The following MED14 variants were observed in gnomAD, a reference collection of about 807,000 sequenced individuals.
MED14 encodes mediator of RNA polymerase II transcription subunit 14.
A neutral mutation model predicts 109.0 loss-of-function variants in MED14; 8 were observed. The observed-to-expected ratio is 0.07, with a 90% CI of 0.04 to 0.13. MED14 has a LOEUF of 0.13. Among genes scored for constraint, MED14 ranks in the 10% least tolerant of loss-of-function variants. The pLI, the probability that MED14 is intolerant of heterozygous loss-of-function variation, is 1.00. For synonymous variants in MED14, 399 were observed against 408.7 expected, an observed-to-expected ratio of 0.98 and a Z score of 0.29; for missense variants, 711 against 1,142.4, an observed-to-expected ratio of 0.62 and a Z score of 5.44.
chrX:40,734,575 A>G (rs1932186803), intron 1 of MED14, among the ~76,000 whole-genome samples: 1 of 112,453 alleles, frequency 8.9e-6, no homozygotes, highest in Non-Finnish European at 1.9e-5. Flanking sequence ...GTATATTCTG[A>G]TCCTATTCTG....
At chrX:40,698,553 T>G (rs904316653) in intron 12 of MED14, among the ~76,000 whole-genome samples, 1 of 112,524 alleles carries the variant, frequency 8.9e-6, no homozygotes, top group Admixed American at 9.4e-5. Context: ...ATCTGTTGAT[T>G]CTAATAAAAA....
At chrX:40,703,654 C>G in intron 10 of MED14, 85 bp from the exon 11 acceptor site, 1 of 782,336 alleles carries the variant, frequency 1.3e-6, no homozygotes, top group Non-Finnish European at 1.8e-6. Flanking sequence ...ACAAACAAAC[C>G]AACTATTGAA....
intron 28 of MED14, among the ~76,000 whole-genome samples, chrX:40,658,123 C>T (rs752958177): frequency 1.9e-5 from 2 of 107,266 alleles, no homozygotes; most frequent in African/African-American, 6.9e-5. Flanking sequence ...GACAGTCTCA[C>T]TCCATCACCC....
chrX:40,723,623 G>A (rs1339485286), intron 3 of MED14, among the ~76,000 whole-genome samples: 6 of 85,145 alleles, frequency 7.0e-5, no homozygotes, highest in Non-Finnish European at 8.4e-5. Context: ...CCAAGACTGC[G>A]CCACTGCACT....
chrX:40,715,858 C>CTTT (rs1287659661), intron 3 of MED14, among the ~76,000 whole-genome samples: 36 of 102,757 alleles, frequency 3.5e-4, no homozygotes, highest in Non-Finnish European at 6.7e-4. Context: ...TTATATCAAG[C>CTTT]TAAAAAGCTT....
chrX:40,693,833 G>T (rs1029166495), intron 13 of MED14, among the ~76,000 whole-genome samples: 2 of 111,412 alleles, frequency 1.8e-5, no homozygotes, highest in Admixed American at 1.9e-4. Flanking sequence ...CTTAATATGT[G>T]CCAAGTATTG....
intron 28 of MED14, 97 bp from the exon 29 acceptor site, chrX:40,655,157 C>CCA: frequency 1.2e-6 from 1 of 850,813 alleles, no homozygotes; most frequent in African/African-American, 2.0e-5. Flanking sequence ...TGTTTCATAC[C>CCA]CAATTATTAA....
rs766177771 is a variant in MED14, at chrX:40,710,259, GAAT to G, written c.1023-133_1023-131del. The G allele has an allele frequency of 1.6e-4, 58 of 372,852 alleles. No homozygotes were observed. In the East Asian group the frequency reaches 2.6e-3, roughly 17 times the overall value. The allele number at this position is 372,852 out of a possible 1,213,427, so 30.7% of individuals were successfully genotyped here. On this transcript the variant is annotated intron_variant, in intron 8 of 30. Coordinates refer to ENST00000324817, the MANE Select transcript of MED14 (RefSeq NM_004229.4). ...GGCAGGCCCCCAGTGTTTGTGGAGG[GAAT>G]AATAATGGGAAGATAGCTATTCTGT...
intron 13 of MED14, among the ~76,000 whole-genome samples, chrX:40,695,815 C>T (rs1224261669): frequency 4.5e-5 from 5 of 112,127 alleles, no homozygotes; most frequent in Non-Finnish European, 9.4e-5. Context: ...ACATAAGTAT[C>T]CCGAGCTTAA....
intron 14 of MED14, 74 bp downstream of exon 14, chrX:40,692,634 T>C (rs1930564309): frequency 1.0e-6 from 1 of 992,823 alleles, no homozygotes. Flanking sequence ...TTCTTTCTCA[T>C]ATTAAAAATG....
Position 40,655,040 on chromosome X carries a change from C to G in MED14, c.3993G>C (p.Gln1331His), listed in dbSNP as rs779704986. 8.3e-7 allele frequency: 1 copy of G among 1,210,819 alleles called. No individual in the cohort carries two copies. The highest frequency in any genetic ancestry group is 1.8e-5 in the South Asian group (1 of 56,941). Residue 1331 changes from glutamine (Q) to histidine (H), a missense_variant, in exon 29 of 31, where the codon CAG becomes CAC. This residue lies in a region of MED14 where 6 missense variants were observed against 44.3 expected (regional missense o/e 0.14). Transcript: ENST00000324817. Reference sequence around the variant, plus strand: ...GGCAAAACTGAACATTCCATTTTAGCTGTGTTGCTTGGTCAGGGAACTATT... The same window carrying G: ...GGCAAAACTGAACATTCCATTTTAGGTGTGTTGCTTGGTCAGGGAACTATT... ...KLELFPDQAT[Q>H]LKWNVQFCLT...
At chrX:40,663,294 A>G (rs1929354342) in intron 25 of MED14, 134 bp from the exon 26 acceptor site, 2 of 524,389 alleles carry the variant, frequency 3.8e-6, no homozygotes. Flanking sequence ...TGGTGTAACA[A>G]TCATATATTA....
Position 40,651,619 on chromosome X carries a change from TTCA to T in MED14, c.*184_*186del. 1 of 1,032,393 alleles carries T rather than the reference TTCA, an allele frequency of 9.7e-7. No homozygotes were observed. Among genetic ancestry groups the T allele is most frequent in the Non-Finnish European group, 1.2e-6 (1 of 808,227 alleles). 85.1% of individuals were successfully genotyped at this position (1,032,393 alleles called of 1,213,427 possible). On this transcript the variant is annotated 3_prime_UTR_variant, in exon 31 of 31. Coordinates refer to ENST00000324817, the MANE Select transcript of MED14 (RefSeq NM_004229.4). ...GTCCCATTTAAACACACTATACAAGTTCATTATACAAAAGATGGATGATCATTT... is the reference window on the plus strand; with the variant it reads ...GTCCCATTTAAACACACTATACAAGTTTATACAAAAGATGGATGATCATTT...
chrX:40,732,443 C>T (rs1261512689), intron 1 of MED14, among the ~76,000 whole-genome samples: 3 of 108,785 alleles, frequency 2.8e-5, no homozygotes, highest in Non-Finnish European at 3.8e-5. Context: ...CACTTGAACC[C>T]GGGAGGCGGA....
rs774556154 is a variant in MED14 at position 40,692,512 on chromosome X, C to T, written c.1846-195G>A. The stretch of plus-strand genomic sequence containing the variant: ...ATATTTTGTGTTTCACAAGTTCTCT[C>T]ATGGAAAATGGTGGACAATTATTTA... On this transcript the variant is annotated intron_variant, in intron 14 of 30. Transcript: ENST00000324817. 3.6e-4 allele frequency among the ~76,000 whole-genome samples: 40 copies of T among 112,126 alleles called. No individual in the cohort carries two copies. In the South Asian group the frequency reaches 3.7e-3, roughly 10 times the overall value.
chrX:40,713,028 T>C lies in MED14; in HGVS notation c.667A>G (p.Lys223Glu). 1.7e-6 allele frequency: 2 copies of C among 1,169,774 alleles called. No individual in the cohort carries two copies. The highest frequency in any genetic ancestry group is 2.3e-6 in the Non-Finnish European group (2 of 869,960). The change falls in exon 6 of 31, where the codon AAG (lysine) becomes GAG (glutamate). Residue 223 changes from lysine to glutamate, a missense_variant. By Grantham distance (56) the Lys-to-Glu change is moderately conservative (BLOSUM62 1). Transcript: ENST00000324817. ...TCAAATTCTCCTTCAACACGAAACT[T>C]CACCCGGCCATTTGCTTTTAGAAGA... ...ANLTVANGRVKFRVEGEFEAT... is the reference protein window; with the variant it reads ...ANLTVANGRVEFRVEGEFEAT...
intron 1 of MED14, among the ~76,000 whole-genome samples, chrX:40,732,944 G>A (rs1176069044): frequency 9.0e-6 from 1 of 110,672 alleles, no homozygotes; most frequent in African/African-American, 3.3e-5. Context: ...ATCATGTAAG[G>A]CCTTAAAGGT....
At chrX:40,715,334 T>C (rs557729117) in intron 3 of MED14, among the ~76,000 whole-genome samples, 2 of 111,522 alleles carry the variant, frequency 1.8e-5, no homozygotes, top group African/African-American at 6.5e-5. Flanking sequence ...CTTTAATAAA[T>C]GGTGATGGGA....
intron 20 of MED14, 41 bp from the exon 21 acceptor site, chrX:40,680,174 C>T: frequency 8.5e-7 from 1 of 1,171,014 alleles, no homozygotes; most frequent in Middle Eastern, 2.4e-4. Flanking sequence ...AGTTTCTGTA[C>T]AAATGTTAAA....
Sources: allele counts gnomAD v4.1 joint callset (sites outside exome capture counted in the v4.1 genomes callset), GRCh38; gene constraint gnomAD v4.1.1; regional missense constraint gnomAD v4.1.1; transcripts MANE v1.5; gene names NCBI Gene and HGNC (gene_info 2026-07-23, HGNC 2026-07-21).